Variants in UBXN10 observed in about 807,000 individuals in gnomAD.
UBXN10 encodes UBX domain protein 10.
A neutral mutation model predicts 6.9 loss-of-function variants in UBXN10; 6 were observed. That is an observed-to-expected ratio of 0.87 (90% CI 0.48 to 1.72). The LOEUF (loss-of-function observed/expected upper bound fraction) is 1.72, where lower values mean the gene tolerates loss of function less well. UBXN10 is among the 40% of genes most tolerant of loss of function. The pLI is 0.01. For missense variants in UBXN10, 317 were observed against 348.4 expected (o/e 0.91, Z 0.72); for synonymous variants, 131 against 135.2 (o/e 0.97, Z 0.21).
rs1042041048 is a variant in UBXN10 at position 20,194,433 on chromosome 1, C to G, written c.*3029C>G. The G allele has an allele frequency of 3.0e-5, 5 of 167,108 alleles. No individual in the cohort carries two copies. The highest frequency in any genetic ancestry group is 1.2e-4 in the African/African-American group (5 of 41,464). 10.4% of individuals were successfully genotyped at this position (167,108 alleles called of 1,614,324 possible). On this transcript the variant is annotated 3_prime_UTR_variant, in exon 2 of 2. Coordinates refer to ENST00000375099, the MANE Select transcript of UBXN10 (RefSeq NM_152376.5). ...GGGACCCAGCCAACAGCCTTCAAGG[C>G]AGGGCACTCCTGCGGAAGAGATGGC...
intron 1 of UBXN10, among the ~76,000 whole-genome samples, chr1:20,188,117 C>T (rs140366499): frequency 2.2e-4 from 34 of 152,276 alleles, no homozygotes; most frequent in Non-Finnish European, 3.7e-4. Context: ...TGCAGAGCTG[C>T]TAATTGCCAG....
Position 20,187,260 on chromosome 1 carries a change from T to C in UBXN10, c.-16+1107T>C, listed in dbSNP as rs2018415990. On this transcript the variant is annotated intron_variant, in intron 1 of 1. Transcript: ENST00000375099. The surrounding 1 kb of genome is among the most constrained non-coding windows in gnomAD (Gnocchi z 4.6). ...GCAGGCCGCTGGGGTGCAGCTATTG[T>C]GTTTAAGTAAACAGGCCACTCGCCT... 6.6e-6 allele frequency among the ~76,000 whole-genome samples: 1 copy of C among 152,244 alleles called. No homozygotes were observed. The highest frequency in any genetic ancestry group is 2.4e-5 in the African/African-American group (1 of 41,456).
In UBXN10 at chr1:20,190,818, A is replaced by G. The variant is rs1226170269; in HGVS notation, c.257A>G (p.Lys86Arg). The G allele has an allele frequency of 1.2e-6, 2 of 1,613,762 alleles. No homozygotes were observed. Among genetic ancestry groups the G allele is most frequent in the East Asian group, 4.5e-5 (2 of 44,876 alleles). The change falls in exon 2 of 2, where the codon AAA (lysine) becomes AGA (arginine). Residue 86 changes from lysine (K) to arginine (R), a missense_variant. Transcript: ENST00000375099. Reference sequence around the variant, plus strand: ...CAAAAACCAGGAGCCTGTGCACCCAAATCTCCAAACCAGGGAGCTTCTGAT... The same window carrying G: ...CAAAAACCAGGAGCCTGTGCACCCAGATCTCCAAACCAGGGAGCTTCTGAT... ...SSQKPGACAP[K>R]SPNQGASDEI...
At chr1:20,184,210 C>CACAA (rs1266205629), upstream of UBXN10, 1 of 152,318 alleles carries the variant, frequency 6.6e-6, no homozygotes, top group Non-Finnish European at 1.5e-5. Flanking sequence ...CACACACACA[C>CACAA]ACACACACAC....
rs774101661 is a variant in UBXN10 at position 20,195,765 on chromosome 1, T to G, written c.*4361T>G. 1 of 167,116 alleles carries G rather than the reference T, an allele frequency of 6.0e-6. No individual in the cohort carries two copies. Among genetic ancestry groups the G allele is most frequent in the Non-Finnish European group, 1.5e-5 (1 of 68,112 alleles). 10.4% of individuals were successfully genotyped at this position (167,116 alleles called of 1,614,324 possible). ...GCTATTCATTGTTTTAATTAAGAGA[T>G]AAAACTAAGGTCACTGTTTCACTTA... On this transcript the variant is annotated 3_prime_UTR_variant, in exon 2 of 2. Transcript: ENST00000375099.
Position 20,195,045 on chromosome 1 carries a change from A to C in UBXN10, c.*3641A>C, listed in dbSNP as rs1295388367. ...ATCAAAGGAGAACAGACTTTTGGTG[A>C]CTCAGTTACCAACACACAACACTCA... On this transcript the variant is annotated 3_prime_UTR_variant, in exon 2 of 2. Coordinates refer to ENST00000375099, the MANE Select transcript of UBXN10 (RefSeq NM_152376.5). The C allele has an allele frequency of 6.0e-6, 1 of 166,978 alleles. No homozygotes were observed. Among genetic ancestry groups the C allele is most frequent in the East Asian group, 1.9e-4 (1 of 5,202 alleles). 10.3% of individuals were successfully genotyped at this position (166,978 alleles called of 1,614,324 possible). A position where few individuals can be genotyped will look rare whatever the true frequency, so the allele number is the denominator to read the frequency against.
rs1425404826 is a variant in UBXN10 at position 20,191,584 on chromosome 1, G to A, written c.*180G>A. On this transcript the variant is annotated 3_prime_UTR_variant, in exon 2 of 2. Transcript: ENST00000375099. The surrounding 1 kb of genome is among the most constrained non-coding windows in gnomAD (Gnocchi z 4.5). Reference sequence around the variant, plus strand: ...TGAAGTCTGTGCCTATGCCGAGCGCGCTAAGAAGTCTCCCTTCCAGCTGTT... The same window carrying A: ...TGAAGTCTGTGCCTATGCCGAGCGCACTAAGAAGTCTCCCTTCCAGCTGTT... The A allele has an allele frequency of 5.0e-5, 46 of 928,780 alleles. No homozygotes were observed. Among genetic ancestry groups the A allele is most frequent in the Admixed American group, 1.2e-4 (4 of 32,584 alleles). The allele number at this position is 928,780 out of a possible 1,614,324, so 57.5% of individuals were successfully genotyped here.
In UBXN10 at chr1:20,190,650, A is replaced by T. The variant is rs1343346979; in HGVS notation, c.89A>T (p.Asn30Ile). Residue 30 changes from asparagine (N) to isoleucine (I), a missense_variant, in exon 2 of 2, where the codon AAC becomes ATC. Coordinates refer to ENST00000375099, the MANE Select transcript of UBXN10 (RefSeq NM_152376.5). Reference protein sequence around the residue: ...TAVDSLIWQPNSLNMHMIRPK... With the variant: ...TAVDSLIWQPISLNMHMIRPK... ...GTTGACAGCCTCATTTGGCAGCCAA[A>T]CTCACTAAATATGCACATGATAAGG... 1.9e-6 allele frequency: 3 copies of T among 1,612,650 alleles called. No homozygotes were observed. The highest frequency in any genetic ancestry group is 2.5e-6 in the Non-Finnish European group (3 of 1,179,884).
Position 20,191,254 on chromosome 1 carries a change from A to G in UBXN10, c.693A>G (p.Lys231=), listed in dbSNP as rs201850943. The change falls in exon 2 of 2, where the codon AAA becomes AAG. Residue 231 remains lysine, a synonymous_variant. Coordinates refer to ENST00000375099, the MANE Select transcript of UBXN10 (RefSeq NM_152376.5). This position sits in a 1 kb window ranked among gnomAD's most constrained non-coding sequence, Gnocchi z 4.5. Reference sequence around the variant, plus strand: ...CCATTGTTGCTGTGGCCGAACAGAAAAACAAAACCTCCTACCGACACTGCA... The same window carrying G: ...CCATTGTTGCTGTGGCCGAACAGAAGAACAAAACCTCCTACCGACACTGCA... ...LQTIVAVAEQ[K]NKTSYRHCSI... 24 of 1,614,118 alleles carry G rather than the reference A, an allele frequency of 1.5e-5. No homozygotes were observed. Among genetic ancestry groups the G allele is most frequent in the Non-Finnish European group, 2.0e-5 (24 of 1,180,060 alleles).
chr1:20,184,291 G>A (rs1206362382), upstream of UBXN10: 2 of 152,138 alleles, frequency 1.3e-5, no homozygotes, highest in Non-Finnish European at 2.9e-5. Context: ...TAAAATAGCT[G>A]ATGAAGAATC....
chr1:20,186,655 T>A (rs1443410180), intron 1 of UBXN10, among the ~76,000 whole-genome samples: 2 of 152,210 alleles, frequency 1.3e-5, no homozygotes, highest in African/African-American at 4.8e-5. Flanking sequence ...TGGACTTAAT[T>A]GAGTTATCCC....
Position 20,193,496 on chromosome 1 carries a change from C to T in UBXN10, c.*2092C>T, listed in dbSNP as rs1234220635. On this transcript the variant is annotated 3_prime_UTR_variant, in exon 2 of 2. Transcript: ENST00000375099. Reference sequence around the variant, plus strand: ...TGGACAAAAGATGATACGATAAAAACCAACTTGTGTGAAACTGAGTCAGTG... The same window carrying T: ...TGGACAAAAGATGATACGATAAAAATCAACTTGTGTGAAACTGAGTCAGTG... 6.0e-6 allele frequency: 1 copy of T among 166,736 alleles called. No individual in the cohort carries two copies. Among genetic ancestry groups the T allele is most frequent in the Non-Finnish European group, 1.5e-5 (1 of 68,050 alleles). The allele number at this position is 166,736 out of a possible 1,614,324, so 10.3% of individuals were successfully genotyped here.
intron 1 of UBXN10, among the ~76,000 whole-genome samples, chr1:20,188,011 AG>A (rs2018429424): frequency 6.6e-6 from 1 of 151,970 alleles, no homozygotes; most frequent in Non-Finnish European, 1.5e-5. Flanking sequence ...ACAAGTGGGG[AG>A]GGTGGGCCGA....
chr1:20,184,924 C>G (rs1318758160), upstream of UBXN10, among the ~76,000 whole-genome samples: 1 of 151,912 alleles, frequency 6.6e-6, no homozygotes, highest in African/African-American at 2.4e-5. Flanking sequence ...GAGGCTGAGG[C>G]GGGAGGATCA....
rs1372526147 is a variant in UBXN10, at chr1:20,194,479, C to G, written c.*3075C>G. ...ATGGCTTGTGAACATGACTGTGGAC[C>G]CAGAGTCACCCCAGAGCTCCCATAT... On this transcript the variant is annotated 3_prime_UTR_variant, in exon 2 of 2. Coordinates refer to ENST00000375099, the MANE Select transcript of UBXN10 (RefSeq NM_152376.5). 6.0e-6 allele frequency: 1 copy of G among 167,038 alleles called. No homozygotes were observed. Among genetic ancestry groups the G allele is most frequent in the Non-Finnish European group, 1.5e-5 (1 of 68,116 alleles). The allele number at this position is 167,038 out of a possible 1,614,324, so 10.3% of individuals were successfully genotyped here. A position where few individuals can be genotyped will look rare whatever the true frequency, so the allele number is the denominator to read the frequency against.
Position 20,191,445 on chromosome 1 carries a change from A to G in UBXN10, c.*41A>G. On this transcript the variant is annotated 3_prime_UTR_variant, in exon 2 of 2. Coordinates refer to ENST00000375099, the MANE Select transcript of UBXN10 (RefSeq NM_152376.5). The surrounding 1 kb of genome is among the most constrained non-coding windows in gnomAD (Gnocchi z 4.5). ...GCTGAGGTCCTGGGTCTCTGAGCAA[A>G]GGAGCATGCTTGGGCGTTGTGGCCT... The G allele has an allele frequency of 1.3e-6, 2 of 1,579,082 alleles. No individual in the cohort carries two copies. Among genetic ancestry groups the G allele is most frequent in the Non-Finnish European group, 1.7e-6 (2 of 1,161,676 alleles).
Position 20,193,421 on chromosome 1 carries a change from G to T in UBXN10, c.*2017G>T, listed in dbSNP as rs1486825309. 2 of 167,020 alleles carry T rather than the reference G, an allele frequency of 1.2e-5. No homozygotes were observed. Among genetic ancestry groups the T allele is most frequent in the Non-Finnish European group, 2.9e-5 (2 of 68,118 alleles). The allele number at this position is 167,020 out of a possible 1,614,324, so 10.3% of individuals were successfully genotyped here. A position where few individuals can be genotyped will look rare whatever the true frequency, so the allele number is the denominator to read the frequency against. On this transcript the variant is annotated 3_prime_UTR_variant, in exon 2 of 2. Transcript: ENST00000375099. ...ATAGAAATATTTTAGGATATTTTAG[G>T]ATATGTGAATAAAGCTAGACTCAAA... is the stretch of plus-strand genomic sequence containing the variant.
upstream of UBXN10, among the ~76,000 whole-genome samples, chr1:20,184,819 G>A (rs2018338619): frequency 1.3e-5 from 2 of 152,066 alleles, no homozygotes; most frequent in African/African-American, 4.8e-5. Context: ...GGAGAGGTGG[G>A]AGGTTTCGCA....
upstream of UBXN10, chr1:20,186,000 C>A (rs1025849572): frequency 7.2e-6 from 1 of 138,410 alleles, no homozygotes; most frequent in African/African-American, 3.3e-5. Flanking sequence ...CAGCGGCCCC[C>A]ACCCGACCCC....
Sources: gnomAD v4.1 joint callset for allele counts (sites outside exome capture counted in the v4.1 genomes callset) on GRCh38, gnomAD v4.1.1 for gene constraint, Gnocchi (gnomAD v3.1) non-coding constraint, MANE v1.5 for transcripts, NCBI Gene and HGNC (gene_info 2026-07-23, HGNC 2026-07-21) for gene names.